Variants in NRG3 observed in about 807,000 individuals in gnomAD.
The protein encoded by NRG3 is pro-neuregulin-3, membrane-bound isoform.
Under a neutral mutation model 66.9 loss-of-function variants are expected in NRG3, and 31 were observed. The ratio of observed to expected loss-of-function variants is 0.46; its 90% confidence interval spans 0.35 to 0.63. The LOEUF is 0.63. Among genes scored for constraint, NRG3 ranks in the 20% least tolerant of loss-of-function variants. The probability of loss-of-function intolerance (pLI) is 0.00; values close to 1 mark genes in which losing one functional copy is unlikely to be tolerated. For missense variants in NRG3, 910 were observed against 878.9 expected, an observed-to-expected ratio of 1.04 and a Z score of -0.45; for synonymous variants, 393 against 359.4, an observed-to-expected ratio of 1.09 and a Z score of -1.06.
At chr10:82,213,105 G>C (rs992748112) in intron 1 of NRG3, among the ~76,000 whole-genome samples, 57 of 152,172 alleles carry the variant, frequency 3.7e-4, no homozygotes, top group African/African-American at 1.3e-3. Flanking sequence ...CAGCTTATAA[G>C]GGAGGACCCA....
At chr10:82,910,791 G>C (rs1343412580) in intron 4 of NRG3, among the ~76,000 whole-genome samples, 1 of 152,246 alleles carries the variant, frequency 6.6e-6, no homozygotes, top group African/African-American at 2.4e-5. Context: ...TTATTGAGCA[G>C]AATGCTAACA....
chr10:82,479,457 G>C (rs563122991), intron 2 of NRG3, among the ~76,000 whole-genome samples: 2 of 151,250 alleles, frequency 1.3e-5, no homozygotes, highest in South Asian at 4.2e-4. Flanking sequence ...CCAGCACCTT[G>C]GGAGACAGAG....
intron 1 of NRG3, among the ~76,000 whole-genome samples, chr10:82,031,047 G>A (rs1589841535): frequency 1.3e-5 from 2 of 152,186 alleles, no homozygotes; most frequent in South Asian, 4.2e-4. Context: ...TGAAACACAT[G>A]GATCTTCACA....
At chr10:82,327,126 A>C (rs2081912621) in intron 1 of NRG3, among the ~76,000 whole-genome samples, 1 of 152,208 alleles carries the variant, frequency 6.6e-6, no homozygotes, top group Admixed American at 6.5e-5. Context: ...GAAACAAACA[A>C]GAACAAGAAC....
chr10:82,568,803 A>T (rs2045567174), intron 2 of NRG3, among the ~76,000 whole-genome samples: 1 of 151,792 alleles, frequency 6.6e-6, no homozygotes, highest in Non-Finnish European at 1.5e-5. Flanking sequence ...TTGTGATGTA[A>T]ATCCTAACTA....
chr10:82,003,407 A>G (rs184615384), intron 1 of NRG3, among the ~76,000 whole-genome samples: 32 of 152,318 alleles, frequency 2.1e-4, no homozygotes, highest in African/African-American at 6.7e-4. Flanking sequence ...GAAAGCATCT[A>G]GGATAGAATA....
In NRG3 at chr10:82,986,054, G is replaced by A. The variant is rs1853413591; in HGVS notation, c.*449G>A. 6.2e-6 allele frequency: 1 copy of A among 162,194 alleles called. No homozygotes were observed. The highest frequency in any genetic ancestry group is 1.4e-5 in the Non-Finnish European group (1 of 74,064). 10.0% of individuals were successfully genotyped at this position (162,194 alleles called of 1,614,324 possible). A position where few individuals can be genotyped will look rare whatever the true frequency, so the allele number is the denominator to read the frequency against. ...GCCCTAAATTTCTATTCACCCAATA[G>A]CCTCATCACAGGTTATGTCATGTCG... On this transcript the variant is annotated 3_prime_UTR_variant, in exon 9 of 9. Transcript: ENST00000372141.
intron 1 of NRG3, chr10:82,166,942 G>A (rs925487651): frequency 5.0e-5 from 23 of 455,690 alleles, no homozygotes; most frequent in Non-Finnish European, 6.7e-5. Flanking sequence ...CTTCTTGCTC[G>A]CATTATTTTG....
intron 1 of NRG3, among the ~76,000 whole-genome samples, chr10:82,253,266 C>A (rs765832377): frequency 6.6e-6 from 1 of 152,174 alleles, no homozygotes; most frequent in Non-Finnish European, 1.5e-5. Context: ...GGGAGCACCA[C>A]TTTTCTTTCA....
rs528036658 is a variant in NRG3, at chr10:82,729,995, T to C, written c.954-8582T>C. The stretch of plus-strand genomic sequence containing the variant: ...ATTTTAAATTCACACGTAAAAACCA[T>C]AGCAATTTTATGATGAATTGGCCTC... On this transcript the variant is annotated intron_variant, in intron 2 of 8. Coordinates refer to ENST00000372141, the MANE Select transcript of NRG3 (RefSeq NM_001010848.4). 1.1e-4 allele frequency among the ~76,000 whole-genome samples: 17 copies of C among 152,250 alleles called. 1 individual carries two copies. The highest frequency in any genetic ancestry group is 4.1e-4 in the African/African-American group (17 of 41,560).
At chr10:82,971,904 G>C (rs1173904909) in intron 6 of NRG3, among the ~76,000 whole-genome samples, 1 of 152,020 alleles carries the variant, frequency 6.6e-6, no homozygotes, top group Non-Finnish European at 1.5e-5. Flanking sequence ...ACTGTTAAAA[G>C]CTTTTTCACC....
intron 1 of NRG3, among the ~76,000 whole-genome samples, chr10:81,876,758 CTT>C (rs1841699643): frequency 6.6e-6 from 1 of 152,080 alleles, no homozygotes; most frequent in South Asian, 2.1e-4. Flanking sequence ...CACTGGGAGA[CTT>C]GGGGAAAGGA....
intron 3 of NRG3, among the ~76,000 whole-genome samples, chr10:82,859,599 G>A (rs1478032911): frequency 6.6e-6 from 1 of 152,190 alleles, no homozygotes; most frequent in East Asian, 1.9e-4. Context: ...GAATTGTTCA[G>A]TCATAGAGAA....
chr10:82,698,027 A>G (rs997491105), intron 2 of NRG3, among the ~76,000 whole-genome samples: 2 of 152,110 alleles, frequency 1.3e-5, no homozygotes, highest in African/African-American at 4.8e-5. Context: ...TATCAAGGCA[A>G]CCCATTTTTC....
chr10:82,103,122 G>A (rs2066862373), intron 1 of NRG3, among the ~76,000 whole-genome samples: 1 of 151,662 alleles, frequency 6.6e-6, no homozygotes, highest in Non-Finnish European at 1.5e-5. Context: ...TAGTATTCTG[G>A]GCTGGTCTTT....
At chr10:81,995,613 G>C (rs1364945781) in intron 1 of NRG3, among the ~76,000 whole-genome samples, 1 of 152,210 alleles carries the variant, frequency 6.6e-6, no homozygotes, top group Non-Finnish European at 1.5e-5. Flanking sequence ...TGTGTTGGCT[G>C]TTCCTGGTAC....
At chr10:82,704,906 C>T (rs1380564032) in intron 2 of NRG3, among the ~76,000 whole-genome samples, 1 of 152,262 alleles carries the variant, frequency 6.6e-6, no homozygotes, top group South Asian at 2.1e-4. Context: ...AGAATATGCT[C>T]AGAATATTAC....
chr10:82,308,618 A>T (rs2080869089), intron 1 of NRG3, among the ~76,000 whole-genome samples: 1 of 152,174 alleles, frequency 6.6e-6, no homozygotes, highest in Admixed American at 6.5e-5. Flanking sequence ...GAAAAACTAG[A>T]CATATGCAGC....
chr10:82,053,204 A>G (rs2063681967), intron 1 of NRG3, among the ~76,000 whole-genome samples: 1 of 152,068 alleles, frequency 6.6e-6, no homozygotes, highest in African/African-American at 2.4e-5. Flanking sequence ...TTAGGAAAAT[A>G]CTGGTGGTTG....
Sources: gnomAD v4.1 joint callset for allele counts (sites outside exome capture counted in the v4.1 genomes callset) on GRCh38, gnomAD v4.1.1 for gene constraint, MANE v1.5 for transcripts, NCBI Gene and HGNC (gene_info 2026-07-23, HGNC 2026-07-21) for gene names.